AFAP1L2: variants seen among roughly 807,000 people sequenced by gnomAD.
AFAP1L2 encodes actin filament-associated protein 1-like 2.
In AFAP1L2, 46 loss-of-function variants were observed where a neutral mutation model predicts 99.3. That is an observed-to-expected ratio of 0.46 (90% CI 0.37 to 0.59). The LOEUF (loss-of-function observed/expected upper bound fraction) is 0.59, where lower values mean the gene tolerates loss of function less well. AFAP1L2 is among the 20% of genes least tolerant of loss of function. AFAP1L2 has a pLI of 0.00. For synonymous variants in AFAP1L2, 397 were observed against 419.1 expected (o/e 0.95, Z 0.64); for missense variants, 959 against 1,034.9 (o/e 0.93, Z 1.01).
At chr10:114,365,721 CTCTTT>C (rs1051790081) in intron 1 of AFAP1L2, among the ~76,000 whole-genome samples, 6 of 114,776 alleles carry the variant, frequency 5.2e-5, no homozygotes, top group African/African-American at 1.6e-4. Context: ...TTCTCTCTCT[CTCTTT>C]TTTTTTTTTT....
intron 1 of AFAP1L2, among the ~76,000 whole-genome samples, chr10:114,354,119 C>T (rs2050954591): frequency 3.3e-5 from 5 of 152,218 alleles, no homozygotes; most frequent in Middle Eastern, 6.8e-3. Flanking sequence ...GGGGCCAGAA[C>T]CTAGAGGCCA....
At chr10:114,326,498 C>T (rs1308572021) in intron 4 of AFAP1L2, among the ~76,000 whole-genome samples, 1 of 152,230 alleles carries the variant, frequency 6.6e-6, no homozygotes, top group Admixed American at 6.5e-5. Context: ...CCAATAGGAA[C>T]ATGGATTCAG....
At chr10:114,333,172 C>T (rs371625818) in intron 3 of AFAP1L2, 49 bp downstream of exon 3, 1 of 1,528,474 alleles carries the variant, frequency 6.5e-7, no homozygotes, top group South Asian at 1.1e-5. Context: ...GACCTTCCCC[C>T]ATCCCAGGAG....
chr10:114,403,841 C>G (rs1024840327), intron 1 of AFAP1L2, among the ~76,000 whole-genome samples: 1 of 152,182 alleles, frequency 6.6e-6, no homozygotes, highest in Admixed American at 6.5e-5. Flanking sequence ...ATTCGGCCCC[C>G]GACCCTCGCA....
chr10:114,297,988 T>C (rs960806742), intron 16 of AFAP1L2, among the ~76,000 whole-genome samples: 1 of 152,162 alleles, frequency 6.6e-6, no homozygotes, highest in Non-Finnish European at 1.5e-5. Context: ...GGCCACTGTT[T>C]AAGAAAAATT....
intron 1 of AFAP1L2, among the ~76,000 whole-genome samples, chr10:114,388,252 C>T (rs2056749374): frequency 6.6e-6 from 1 of 151,970 alleles, no homozygotes; most frequent in Non-Finnish European, 1.5e-5. Context: ...TCTCTACATT[C>T]CCTCTCAATG....
At chr10:114,389,596 T>G (rs985534657) in intron 1 of AFAP1L2, among the ~76,000 whole-genome samples, 7 of 152,152 alleles carry the variant, frequency 4.6e-5, no homozygotes, top group African/African-American at 1.7e-4. Context: ...GACTAAGAGC[T>G]CAGGCACTCA....
At chr10:114,286,793 G>A in the AFAP1L2 span, among the ~76,000 whole-genome samples, 4 of 152,218 alleles carry the variant, frequency 2.6e-5, no homozygotes, top group African/African-American at 9.6e-5. Flanking sequence ...AGGTGTTGCT[G>A]TTATCATTCT....
Position 114,336,446 on chromosome 10 carries a change from C to T in AFAP1L2, c.146-3151G>A, listed in dbSNP as rs928580. The stretch of plus-strand genomic sequence containing the variant: ...GATGTTACCTCTGCCTTTGTGAACC[C>T]CACAGTCCGGCAGGAGAGACATACC... On this transcript the variant is annotated intron_variant, in intron 2 of 18. Transcript: ENST00000304129. 5.1e-3 allele frequency among the ~76,000 whole-genome samples: 781 copies of T among 152,284 alleles called. 1 individual carries two copies. Among genetic ancestry groups the T allele is most frequent in the Middle Eastern group, 0.017 (5 of 294 alleles).
intron 5 of AFAP1L2, among the ~76,000 whole-genome samples, chr10:114,322,625 C>T (rs1411323949): frequency 1.3e-5 from 2 of 152,218 alleles, no homozygotes; most frequent in South Asian, 2.1e-4. Context: ...TTTCCATCCT[C>T]TCACTTATCA....
chr10:114,286,248 G>T, the AFAP1L2 span: 17 of 1,612,874 alleles, frequency 1.1e-5, no homozygotes, highest in Non-Finnish European at 1.4e-5. Context: ...GGCTTCGGGA[G>T]CGCCACCAGG....
the AFAP1L2 span, chr10:114,285,848 C>T: frequency 7.5e-7 from 1 of 1,341,280 alleles, no homozygotes; most frequent in South Asian, 1.5e-5. Flanking sequence ...TGCACCATCT[C>T]CCTCCTGGGA....
intron 1 of AFAP1L2, among the ~76,000 whole-genome samples, chr10:114,376,631 T>G (rs1271981543): frequency 6.6e-6 from 1 of 152,130 alleles, no homozygotes; most frequent in African/African-American, 2.4e-5. Context: ...ATTCCAGCAA[T>G]TACCTAACTC....
rs1554902751 is a variant in AFAP1L2, at chr10:114,327,147, T to TTATATTTATATATATATATATATATATA, written c.316-3887_316-3886insTATATATATATATATATATATAAATATA. On this transcript the variant is annotated intron_variant, in intron 4 of 18. Coordinates refer to ENST00000304129, the MANE Select transcript of AFAP1L2 (RefSeq NM_001001936.3). ...TGAAGACCGTGAATTTTATATATAT[T>TTATATTTATATATATATATATATATATA]TATATATATATATATATATATATAT... Among the ~76,000 whole-genome samples, 18 of 54,566 alleles carry TTATATTTATATATATATATATATATATA rather than the reference T, an allele frequency of 3.3e-4. 1 individual carries two copies. The highest frequency in any genetic ancestry group is 7.8e-4 in the Non-Finnish European group (16 of 20,548). The allele number at this position is 54,566 out of a possible 152,430, so 35.8% of individuals were successfully genotyped here.
chr10:114,404,385 C>T, intron 1 of AFAP1L2, 55 bp downstream of exon 1: 1 of 1,514,642 alleles, frequency 6.6e-7, no homozygotes, highest in South Asian at 1.2e-5. Flanking sequence ...CTGCCCTCCG[C>T]GTCGCTGGGC....
At chr10:114,337,578 C>T (rs984923801) in intron 2 of AFAP1L2, among the ~76,000 whole-genome samples, 1 of 152,132 alleles carries the variant, frequency 6.6e-6, no homozygotes, top group African/African-American at 2.4e-5. Flanking sequence ...TTCCCACCCC[C>T]TACGAGCTGC....
chr10:114,308,696 C>G (rs2042779293), intron 8 of AFAP1L2, among the ~76,000 whole-genome samples, 179 bp from the exon 9 acceptor site: 1 of 152,224 alleles, frequency 6.6e-6, no homozygotes, highest in Non-Finnish European at 1.5e-5. Context: ...GGCCCAGCTT[C>G]CAAATGGCTG....
At chr10:114,353,232 C>T (rs1678145788) in intron 1 of AFAP1L2, among the ~76,000 whole-genome samples, 1 of 152,176 alleles carries the variant, frequency 6.6e-6, no homozygotes, top group South Asian at 2.1e-4. Context: ...ACTTTTGTGG[C>T]CATCTCCAGA....
At chr10:114,368,961 G>A (rs897088637) in intron 1 of AFAP1L2, among the ~76,000 whole-genome samples, 1 of 151,938 alleles carries the variant, frequency 6.6e-6, no homozygotes, top group Non-Finnish European at 1.5e-5. Flanking sequence ...AAAGCTAGGG[G>A]GGAAAAGATT....
Sources: allele counts gnomAD v4.1 joint callset (sites outside exome capture counted in the v4.1 genomes callset), GRCh38; gene constraint gnomAD v4.1.1; transcripts MANE v1.5; gene names NCBI Gene and HGNC (gene_info 2026-07-23, HGNC 2026-07-21).